The following MYO18B variants were observed in gnomAD, a reference collection of about 807,000 sequenced individuals.
The protein encoded by MYO18B is unconventional myosin-XVIIIb.
MYO18B carries 204 observed loss-of-function variants against 273.0 expected under a neutral mutation model. The ratio of observed to expected loss-of-function variants is 0.75; its 90% CI spans 0.67 to 0.84. The LOEUF is 0.84. Ranked by LOEUF, MYO18B falls within the 40% of genes least tolerant of loss-of-function variation. The pLI, the probability that MYO18B is intolerant of heterozygous loss-of-function variation, is 0.00. For synonymous variants in MYO18B, 1,330 were observed against 1,305.7 expected, an observed-to-expected ratio of 1.02 and a Z score of -0.40; for missense variants, 3,212 against 3,287.6, an observed-to-expected ratio of 0.98 and a Z score of 0.56.
chr22:25,938,578 G>A (rs1166357914), intron 34 of MYO18B, among the ~76,000 whole-genome samples: 1 of 152,184 alleles, frequency 6.6e-6, no homozygotes, highest in Admixed American at 6.5e-5. Context: ...GGGCTGTTGT[G>A]GGCTATAGTG....
In MYO18B at chr22:25,921,325, G is replaced by C. The variant is rs1483953509; in HGVS notation, c.5433G>C (p.Leu1811Phe). 1 of 1,573,928 alleles carries C rather than the reference G, an allele frequency of 6.4e-7. No individual in the cohort carries two copies. Among genetic ancestry groups the C allele is most frequent in the Admixed American group, 1.9e-5 (1 of 53,588 alleles). ...ACCTCAGGAGGACACATGCACTGTT[G>C]TCAGACGTGCAGCTCCTTCTGGGCA... is the stretch of plus-strand genomic sequence containing the variant. ...RRDLRRTHAL[L>F]SDVQLLLGTM... The change falls in exon 34 of 44, where the codon TTG becomes TTC. Residue 1811 changes from leucine (L) to phenylalanine (F), a missense_variant. By Grantham distance (22) the Leu-to-Phe change is conservative. Coordinates refer to ENST00000335473, the MANE Select transcript of MYO18B (RefSeq NM_032608.7).
intron 21 of MYO18B, among the ~76,000 whole-genome samples, chr22:25,861,693 C>A (rs555312337): frequency 6.6e-6 from 1 of 152,162 alleles, no homozygotes; most frequent in Non-Finnish European, 1.5e-5. Flanking sequence ...ATGGGCTTCA[C>A]GCCTTCTTTT....
At chr22:25,753,195 A>T (rs1263610601) in intron 1 of MYO18B, among the ~76,000 whole-genome samples, 1 of 151,502 alleles carries the variant, frequency 6.6e-6, no homozygotes, top group African/African-American at 2.4e-5. Context: ...CGCAAGATCC[A>T]CAAGGCGACC....
rs1223438968 is a variant in MYO18B at position 25,876,376 on chromosome 22, C to A, written c.4224+44C>A. The A allele has an allele frequency of 5.8e-6, 9 of 1,558,182 alleles. No individual in the cohort carries two copies. In the East Asian group the frequency reaches 2.1e-4, roughly 36 times the overall value. On this transcript the variant is annotated intron_variant, in intron 24 of 43. Coordinates refer to ENST00000335473, the MANE Select transcript of MYO18B (RefSeq NM_032608.7). ...CAGGGTGCTGGGTGGCTACTCCCCA[C>A]ACCCTGCTCCTCCTGTTTGCATCTA...
In MYO18B at chr22:25,946,259, C is replaced by G; in HGVS notation, c.5631+9C>G. 6.4e-7 allele frequency: 1 copy of G among 1,556,556 alleles called. No homozygotes were observed. The highest frequency in any genetic ancestry group is 1.2e-5 in the South Asian group (1 of 84,064). ...CGCGGAACAAGAGCCTGGTACCTGT[C>G]CCTTCCTGCAGCTGCAGGGACCTGG... On this transcript the variant is annotated intron_variant, in intron 35 of 43. Transcript: ENST00000335473.
chr22:26,051,077 C>T, the MYO18B span, among the ~76,000 whole-genome samples: 1 of 152,286 alleles, frequency 6.6e-6, no homozygotes, highest in East Asian at 1.9e-4. Flanking sequence ...ATATTTAATA[C>T]TTACATGACA....
At chr22:25,761,530 G>A (rs2086317668) in intron 2 of MYO18B, among the ~76,000 whole-genome samples, 1 of 152,176 alleles carries the variant, frequency 6.6e-6, no homozygotes, top group Admixed American at 6.5e-5. Context: ...CCACAGGGGT[G>A]GGTTTCTGTG....
At chr22:25,810,949 C>T (rs558309296) in intron 12 of MYO18B, among the ~76,000 whole-genome samples, 9 of 152,116 alleles carry the variant, frequency 5.9e-5, no homozygotes, top group Admixed American at 1.3e-4. Flanking sequence ...GTCATATATC[C>T]GTTGTTAGTA....
chr22:26,024,566 G>A (rs940904142), intron 42 of MYO18B, among the ~76,000 whole-genome samples: 5 of 151,236 alleles, frequency 3.3e-5, no homozygotes, highest in South Asian at 2.1e-4. Flanking sequence ...AGGTCTTACC[G>A]TCACCAGACC....
intron 22 of MYO18B, among the ~76,000 whole-genome samples, chr22:25,869,967 C>T (rs1225284172): frequency 6.6e-6 from 1 of 152,230 alleles, no homozygotes; most frequent in African/African-American, 2.4e-5. Flanking sequence ...TGGACTCCCA[C>T]GCACTATGTG....
At position 25,832,951 on chromosome 22, in the gene MYO18B, C is replaced by G. The variant is rs2089765751; in HGVS notation, c.3014C>G (p.Pro1005Arg). 1 of 1,613,740 alleles carries G rather than the reference C, an allele frequency of 6.2e-7. No homozygotes were observed. The highest frequency in any genetic ancestry group is 1.7e-5 in the Admixed American group (1 of 59,982). Reference protein sequence around the residue: ...GVPVQFDLPDPSPGTTVAVVD... With the variant: ...GVPVQFDLPDRSPGTTVAVVD... ...CCTGTGCAGTTTGACCTCCCGGACC[C>G]CTCCCCAGGGACCACCGTGGCTGTT... The change falls in exon 16 of 44, where the codon CCC becomes CGC. Residue 1005 changes from proline (P) to arginine (R), a missense_variant. Coordinates refer to ENST00000335473, the MANE Select transcript of MYO18B (RefSeq NM_032608.7).
At chr22:25,991,157 G>A (rs184123055) in intron 39 of MYO18B, among the ~76,000 whole-genome samples, 37 of 152,268 alleles carry the variant, frequency 2.4e-4, no homozygotes, top group African/African-American at 7.7e-4. Flanking sequence ...CCAATTGCTG[G>A]GTGATGAGGC....
the MYO18B span, among the ~76,000 whole-genome samples, chr22:26,043,589 C>A: frequency 2.5e-4 from 38 of 149,082 alleles, no homozygotes; most frequent in African/African-American, 9.0e-4. Context: ...CGGCTCACTG[C>A]AACCTCTGCC....
intron 37 of MYO18B, 42 bp from the exon 38 acceptor site, chr22:25,952,244 C>A: frequency 5.6e-6 from 9 of 1,594,358 alleles, no homozygotes; most frequent in Non-Finnish European, 7.7e-6. Context: ...GTCCTGGTAT[C>A]AGGGACAACA....
the MYO18B span, among the ~76,000 whole-genome samples, chr22:26,050,369 G>C: frequency 6.6e-6 from 1 of 152,198 alleles, no homozygotes; most frequent in African/African-American, 2.4e-5. Context: ...TCGATATACA[G>C]ACTGTAGACC....
intron 39 of MYO18B, among the ~76,000 whole-genome samples, chr22:25,973,754 GT>G (rs1287449967): frequency 6.6e-6 from 1 of 152,200 alleles, no homozygotes; most frequent in Non-Finnish European, 1.5e-5. Context: ...AATGCTTTGT[GT>G]TCCCATCTTA....
At chr22:26,025,736 A>G (rs1936191874) in intron 42 of MYO18B, among the ~76,000 whole-genome samples, 1 of 151,884 alleles carries the variant, frequency 6.6e-6, no homozygotes, top group African/African-American at 2.4e-5. Flanking sequence ...CATTTATTTT[A>G]CAGTCTATAA....
intron 17 of MYO18B, among the ~76,000 whole-genome samples, chr22:25,841,406 G>C (rs960632852): frequency 2.0e-5 from 3 of 151,858 alleles, no homozygotes; most frequent in African/African-American, 7.2e-5. Context: ...GAGTGAATGA[G>C]GGGAACAAGC....
At chr22:25,884,460 A>T (rs1453301261) in intron 25 of MYO18B, among the ~76,000 whole-genome samples, 1 of 152,126 alleles carries the variant, frequency 6.6e-6, no homozygotes, top group Non-Finnish European at 1.5e-5. Flanking sequence ...GGATCTGTTG[A>T]GCCTTCACTG....
Sources: gnomAD v4.1 joint callset for allele counts (sites outside exome capture counted in the v4.1 genomes callset) on GRCh38, gnomAD v4.1.1 for gene constraint, MANE v1.5 for transcripts, NCBI Gene and HGNC (gene_info 2026-07-23, HGNC 2026-07-21) for gene names.